Variants in CDH23 observed in about 807,000 individuals in gnomAD.
CDH23 encodes the protein cadherin related 23.
Under a neutral mutation model 317.1 loss-of-function variants are expected in CDH23, and 189 were observed. The ratio of observed to expected loss-of-function variants is 0.60; its 90% CI spans 0.53 to 0.67. The LOEUF is 0.67. Ranked by LOEUF, CDH23 falls within the 30% of genes least tolerant of loss-of-function variation. CDH23 has a pLI of 0.00. For missense variants in CDH23, 4,401 were observed against 4,592.4 expected (o/e 0.96, Z 1.20); for synonymous variants, 1,839 against 1,876.8 (o/e 0.98, Z 0.52).
chr10:71,670,227 C>T (rs1864088424), intron 14 of CDH23, among the ~76,000 whole-genome samples: 1 of 152,238 alleles, frequency 6.6e-6, no homozygotes, highest in Admixed American at 6.5e-5. Flanking sequence ...CCCTCTGTCG[C>T]TGCTTGCTGC....
intron 19 of CDH23, among the ~76,000 whole-genome samples, chr10:71,689,107 T>G (rs375399584): frequency 9.6e-5 from 2 of 20,826 alleles, no homozygotes; most frequent in African/African-American, 1.4e-4. Context: ...GGTGGTGGAG[T>G]CAGGGGTGGT....
chr10:71,763,182 A>G (rs1042403633), intron 38 of CDH23, among the ~76,000 whole-genome samples: 6 of 152,224 alleles, frequency 3.9e-5, no homozygotes, highest in South Asian at 2.1e-4. Context: ...TTATTTATTT[A>G]TTTGTTTTTG....
chr10:71,586,262 T>A (rs1480734586), intron 9 of CDH23, among the ~76,000 whole-genome samples: 4 of 152,226 alleles, frequency 2.6e-5, no homozygotes, highest in African/African-American at 9.6e-5. Flanking sequence ...CAGGAACTTG[T>A]CTTTTTTTCT....
chr10:71,770,278 T>A (rs958018972), intron 38 of CDH23, among the ~76,000 whole-genome samples: 23 of 152,330 alleles, frequency 1.5e-4, no homozygotes, highest in Non-Finnish European at 2.8e-4. Flanking sequence ...ACAGTTGCCC[T>A]CCAAGGGAGG....
intron 14 of CDH23, among the ~76,000 whole-genome samples, chr10:71,654,461 C>A (rs1425340282): frequency 6.6e-5 from 10 of 152,192 alleles, no homozygotes; most frequent in African/African-American, 2.2e-4. Flanking sequence ...TTCTTATTGC[C>A]GCATAAGAAA....
chr10:71,676,763 C>T (rs1054963045), intron 15 of CDH23, among the ~76,000 whole-genome samples: 5 of 152,204 alleles, frequency 3.3e-5, no homozygotes, highest in African/African-American at 1.2e-4. Context: ...CCCGTGTTCA[C>T]GTGGCCTTAT....
At chr10:71,531,505 A>G (rs1362707155) in intron 6 of CDH23, among the ~76,000 whole-genome samples, 1 of 152,168 alleles carries the variant, frequency 6.6e-6, no homozygotes, top group East Asian at 1.9e-4. Flanking sequence ...TTAGTCGCCC[A>G]CAGCCTTTGC....
At chr10:71,526,043 C>A (rs1204729186) in intron 6 of CDH23, among the ~76,000 whole-genome samples, 3 of 152,208 alleles carry the variant, frequency 2.0e-5, no homozygotes, top group Non-Finnish European at 4.4e-5. Context: ...GATGCAAGAC[C>A]CAGTGCTTGA....
chr10:71,689,425 TG>T (rs2132703021), intron 19 of CDH23, among the ~76,000 whole-genome samples: 1 of 152,214 alleles, frequency 6.6e-6, no homozygotes, highest in South Asian at 2.1e-4. Flanking sequence ...CCCCCATCCC[TG>T]GGGACTGTGT....
At chr10:71,582,999 A>G (rs1441393062) in intron 9 of CDH23, among the ~76,000 whole-genome samples, 1 of 152,218 alleles carries the variant, frequency 6.6e-6, no homozygotes, top group Non-Finnish European at 1.5e-5. Flanking sequence ...GTGTTCAAAA[A>G]TATCCATGAT....
At chr10:71,707,388 G>T in intron 26 of CDH23, 1 of 1,352,428 alleles carries the variant, frequency 7.4e-7, no homozygotes, top group Non-Finnish European at 9.5e-7. Context: ...CCAAGTCTGG[G>T]TGACAGAGCA....
At chr10:71,579,933 G>A (rs561176758) in intron 9 of CDH23, among the ~76,000 whole-genome samples, 7 of 152,296 alleles carry the variant, frequency 4.6e-5, no homozygotes, top group South Asian at 2.1e-4. Flanking sequence ...GGGCAGGGGC[G>A]TGTCTCTTAT....
intron 38 of CDH23, among the ~76,000 whole-genome samples, chr10:71,769,306 G>A (rs978551325): frequency 7.2e-5 from 11 of 152,002 alleles, no homozygotes; most frequent in Non-Finnish European, 1.2e-4. Flanking sequence ...TTCAGACTCC[G>A]AGCCTTCCCA....
chr10:71,715,941 T>C, intron 28 of CDH23: 2 of 1,464,590 alleles, frequency 1.4e-6, no homozygotes, highest in Non-Finnish European at 9.0e-7. Flanking sequence ...CCCCATTACA[T>C]CTTGGTAGAT....
chr10:71,713,401 CTT>C, intron 28 of CDH23: 1 of 667,298 alleles, frequency 1.5e-6, no homozygotes, highest in South Asian at 1.7e-5. Flanking sequence ...GAATGAGTCT[CTT>C]TACCAACTAT....
In CDH23 at chr10:71,679,481, A is replaced by G. The variant is rs763577236; in HGVS notation, c.1847A>G (p.Glu616Gly). 19 of 1,607,964 alleles carry G rather than the reference A, an allele frequency of 1.2e-5. No individual in the cohort carries two copies. The Admixed American group carries it at 3.2e-4, about 27-fold the overall frequency. ...AGCTACTTCGACATCAGCCTGTACGAGGGCTATGGAGGTAGGTGTGGGGCA... is the reference window on the plus strand; with the variant it reads ...AGCTACTTCGACATCAGCCTGTACGGGGGCTATGGAGGTAGGTGTGGGGCA... ...FGSYFDISLY[E>G]GYGVISVSRP... Residue 616 changes from glutamate (E) to glycine (G), a missense_variant, in exon 17 of 70, where the codon GAG (glutamate) becomes GGG (glycine). Glu to Gly is a moderately conservative substitution (Grantham distance 98). Around this residue, in one of 3 missense-constraint regions of CDH23, gnomAD observed 3,068 missense variants for 3,203.3 expected, o/e 0.96. Coordinates refer to ENST00000224721, the MANE Select transcript of CDH23 (RefSeq NM_022124.6).
chr10:71,765,097 C>T (rs756699346), intron 38 of CDH23, among the ~76,000 whole-genome samples: 1 of 152,222 alleles, frequency 6.6e-6, no homozygotes, highest in Non-Finnish European at 1.5e-5. Context: ...CTCCCACGTA[C>T]TCCCAGGAAG....
intron 52 of CDH23, among the ~76,000 whole-genome samples, chr10:71,800,375 A>G (rs1172768756): frequency 6.6e-6 from 1 of 152,132 alleles, no homozygotes; most frequent in Non-Finnish European, 1.5e-5. Flanking sequence ...AGACAACTGC[A>G]TATTTATGGG....
At chr10:71,683,253 T>C (rs1679999416) in intron 18 of CDH23, among the ~76,000 whole-genome samples, 1 of 152,156 alleles carries the variant, frequency 6.6e-6, no homozygotes, top group African/African-American at 2.4e-5. Flanking sequence ...GCCTGCCCCC[T>C]CCCCATCTGT....
Sources: gnomAD v4.1 joint callset for allele counts (sites outside exome capture counted in the v4.1 genomes callset) on GRCh38, gnomAD v4.1.1 for gene constraint, gnomAD v4.1.1 regional missense constraint, MANE v1.5 for transcripts, NCBI Gene and HGNC (gene_info 2026-07-23, HGNC 2026-07-21) for gene names.